The following WEE1 variants were observed in gnomAD, a reference collection of about 807,000 sequenced individuals.
The protein encoded by WEE1 is WEE1 G2 checkpoint kinase.
Under a neutral mutation model 68.8 loss-of-function variants are expected in WEE1, and 16 were observed. The observed-to-expected ratio is 0.23, with a 90% CI of 0.16 to 0.35. WEE1 has a LOEUF of 0.35. Ranked by LOEUF, WEE1 falls within the 10% of genes least tolerant of loss-of-function variation. The probability of loss-of-function intolerance (pLI) is 1.00; values close to 1 mark genes in which losing one functional copy is unlikely to be tolerated. For synonymous variants in WEE1, 349 were observed against 318.7 expected, an observed-to-expected ratio of 1.09 and a Z score of -1.01; for missense variants, 651 against 824.1, an observed-to-expected ratio of 0.79 and a Z score of 2.57.
chr11:9,580,926 C>CT (rs1849620629), intron 5 of WEE1: 1 of 152,278 alleles, frequency 6.6e-6, no homozygotes, highest in Admixed American at 6.6e-5. Flanking sequence ...GTGGCAGTGC[C>CT]TGTAGTCCCA....
chr11:9,579,490 T>G (rs1329950718), intron 5 of WEE1: 1 of 152,214 alleles, frequency 6.6e-6, no homozygotes, highest in Non-Finnish European at 1.5e-5. Context: ...CTTGGTTTGG[T>G]GATAGATTGG....
At chr11:9,581,059 AC>A (rs1432536791) in intron 5 of WEE1, 2 of 154,326 alleles carry the variant, frequency 1.3e-5, no homozygotes, top group African/African-American at 4.8e-5. Context: ...CAGTATGGTG[AC>A]CTCTGTGGAG....
chr11:9,586,321 C>A, intron 8 of WEE1, 128 bp from the exon 9 acceptor site: 1 of 782,394 alleles, frequency 1.3e-6, no homozygotes. Flanking sequence ...TGAATAGGTC[C>A]CAAACTTAAA....
In WEE1 at chr11:9,576,169, C is replaced by A; in HGVS notation, c.783-61C>A. Reference sequence around the variant, plus strand: ...TGGTATACTTATCAAAATTTAGTTCCTATTTAATGGCATGGATGTATCTGT... The same window carrying A: ...TGGTATACTTATCAAAATTTAGTTCATATTTAATGGCATGGATGTATCTGT... On this transcript the variant is annotated intron_variant, in intron 2 of 10. Transcript: ENST00000450114. The surrounding 1 kb of genome is among the most constrained non-coding windows in gnomAD (Gnocchi z 4.3). 1.2e-6 allele frequency: 2 copies of A among 1,600,752 alleles called. No individual in the cohort carries two copies. The highest frequency in any genetic ancestry group is 1.7e-6 in the Non-Finnish European group (2 of 1,171,668).
chr11:9,578,155 C>G, intron 5 of WEE1: 1 of 274,296 alleles, frequency 3.6e-6, no homozygotes, highest in South Asian at 3.5e-5. Context: ...TAGTTTGTTT[C>G]TATTTCTGTA....
At chr11:9,586,944 A>G (rs750158722) in intron 10 of WEE1, 88 bp downstream of exon 10, 72 of 1,414,158 alleles carry the variant, frequency 5.1e-5, no homozygotes, top group Non-Finnish European at 6.2e-5. Flanking sequence ...CTTTCTGTCA[A>G]CAAAGGATGT....
chr11:9,574,497 G>T lies in WEE1; in HGVS notation c.564G>T (p.Pro188=). 1.6e-6 allele frequency: 2 copies of T among 1,245,704 alleles called. No individual in the cohort carries two copies. The highest frequency in any genetic ancestry group is 3.7e-5 in the East Asian group (1 of 27,238). 77.2% of individuals were successfully genotyped at this position (1,245,704 alleles called of 1,614,324 possible). Residue 188 remains proline (P), a synonymous_variant, in exon 1 of 11, where the codon CCG becomes CCT. Transcript: ENST00000450114. This position sits in a 1 kb window ranked among gnomAD's most constrained non-coding sequence, Gnocchi z 4.9. ...TFRKLRLFDT[P]HTPKSLLSKA... ...GCAAGCTGCGACTCTTCGACACCCC[G>T]CACACGCCCAAGGTGAGAGCGGCGG...
rs372628405 is a variant in WEE1 at position 9,585,326 on chromosome 11, G to A, written c.1357G>A (p.Ala453Thr). The change falls in exon 7 of 11, where the codon GCA becomes ACA. Residue 453 changes from alanine (A) to threonine (T), a missense_variant. Ala to Thr is a moderately conservative substitution (Grantham distance 58). Transcript: ENST00000450114. ...TGAAGAAGGAGACGAAGATGATTGG[G>A]CATCCAACAAAGTTATGTTTAAAAT... ...ASEEGDEDDWASNKVMFKIGD... is the reference protein window; with the variant it reads ...ASEEGDEDDWTSNKVMFKIGD... 37 of 1,613,850 alleles carry A rather than the reference G, an allele frequency of 2.3e-5. No homozygotes were observed. The highest frequency in any genetic ancestry group is 3.1e-5 in the Non-Finnish European group (36 of 1,179,954).
chr11:9,574,056 G>A lies in WEE1; in HGVS notation c.123G>A (p.Glu41=). The change falls in exon 1 of 11, where the codon GAG becomes GAA. Residue 41 remains glutamate (E), a synonymous_variant. Coordinates refer to ENST00000450114, the MANE Select transcript of WEE1 (RefSeq NM_003390.4). This position sits in a 1 kb window ranked among gnomAD's most constrained non-coding sequence, Gnocchi z 4.9. ...SDCEEEEEEE[E]EEGSGHSTGE... ...GTGAGGAGGAGGAAGAAGAGGAGGA[G>A]GAGGAGGGCAGCGGCCACAGCACCG... 1 of 1,253,054 alleles carries A rather than the reference G, an allele frequency of 8.0e-7. No homozygotes were observed. The highest frequency in any genetic ancestry group is 1.0e-6 in the Non-Finnish European group (1 of 998,848). 77.6% of individuals were successfully genotyped at this position (1,253,054 alleles called of 1,614,324 possible).
chr11:9,580,338 G>A (rs1849611329), intron 5 of WEE1: 1 of 151,712 alleles, frequency 6.6e-6, no homozygotes, highest in South Asian at 2.1e-4. Flanking sequence ...TATACTAAAT[G>A]TACGTGAAAT....
In WEE1 at chr11:9,581,557, T is replaced by C. The variant is rs1272850660; in HGVS notation, c.1167T>C (p.Ser389=). The C allele has an allele frequency of 1.2e-6, 2 of 1,603,278 alleles. No homozygotes were observed. The highest frequency in any genetic ancestry group is 2.2e-5 in the South Asian group (2 of 89,192). ...CNGGSLADAI[S]ENYRIMSYFK... is the part of the protein sequence containing the mutation. ...GTGGAAGTTTAGCTGATGCTATAAG[T>C]GAAAACTACAGAATCATGAGTTACT... Residue 389 remains serine (S), a synonymous_variant, in exon 6 of 11, where the codon AGT becomes AGC. Transcript: ENST00000450114.
rs1187241891 is a variant in WEE1, at chr11:9,574,546, C to T, written c.576+37C>T. 1 of 1,188,902 alleles carries T rather than the reference C, an allele frequency of 8.4e-7. No individual in the cohort carries two copies. The highest frequency in any genetic ancestry group is 3.8e-5 in the South Asian group (1 of 26,066). The allele number at this position is 1,188,902 out of a possible 1,614,324, so 73.6% of individuals were successfully genotyped here. ...GGGCGCGGGCACCCGGCGGCCGGGG[C>T]CGCGGCGCCGGAGGGGCCAGCGCCG... On this transcript the variant is annotated intron_variant, in intron 1 of 10. Coordinates refer to ENST00000450114, the MANE Select transcript of WEE1 (RefSeq NM_003390.4). This position sits in a 1 kb window ranked among gnomAD's most constrained non-coding sequence, Gnocchi z 4.9.
intron 1 of WEE1, chr11:9,575,492 G>A (rs551327568): frequency 1.2e-6 from 1 of 816,550 alleles, no homozygotes; most frequent in African/African-American, 1.9e-5. Context: ...TGGAAGTGAG[G>A]GGAGGAGTCC....
chr11:9,574,804 C>A lies in WEE1; in HGVS notation c.576+295C>A. On this transcript the variant is annotated intron_variant, in intron 1 of 10. Transcript: ENST00000450114. This position sits in a 1 kb window ranked among gnomAD's most constrained non-coding sequence, Gnocchi z 4.9. Reference sequence around the variant, plus strand: ...TCCGGGCCGCCCCGAGCGTGTCAGCCCCGAGTGCGGCACCGATAACGCGGT... The same window carrying A: ...TCCGGGCCGCCCCGAGCGTGTCAGCACCGAGTGCGGCACCGATAACGCGGT... 2.0e-6 allele frequency: 2 copies of A among 1,002,518 alleles called. No homozygotes were observed. Among genetic ancestry groups the A allele is most frequent in the Non-Finnish European group, 2.4e-6 (2 of 841,234 alleles). 62.1% of individuals were successfully genotyped at this position (1,002,518 alleles called of 1,614,324 possible).
Position 9,574,049 on chromosome 11 carries a change from AGG to A in WEE1, c.117_118del (p.Glu40GlyfsTer96). On this transcript the variant is annotated frameshift_variant, in exon 1 of 11. Transcript: ENST00000450114. LOFTEE classifies it high-confidence loss of function. This position sits in a 1 kb window ranked among gnomAD's most constrained non-coding sequence, Gnocchi z 4.9. ...AGCGACTGTGAGGAGGAGGAAGAAG[AGG>A]AGGAGGAGGAGGGCAGCGGCCACAG... 8.1e-7 allele frequency: 1 copy of A among 1,239,388 alleles called. No individual in the cohort carries two copies. The highest frequency in any genetic ancestry group is 3.0e-5 in the South Asian group (1 of 32,976). The allele number at this position is 1,239,388 out of a possible 1,614,324, so 76.8% of individuals were successfully genotyped here.
In WEE1 at chr11:9,574,554, C is replaced by G. The variant is rs1284700989; in HGVS notation, c.576+45C>G. The stretch of plus-strand genomic sequence containing the variant: ...GCACCCGGCGGCCGGGGCCGCGGCG[C>G]CGGAGGGGCCAGCGCCGCTGCCTGG... On this transcript the variant is annotated intron_variant, in intron 1 of 10. Coordinates refer to ENST00000450114, the MANE Select transcript of WEE1 (RefSeq NM_003390.4). The surrounding 1 kb of genome is among the most constrained non-coding windows in gnomAD (Gnocchi z 4.9). 1 of 1,180,164 alleles carries G rather than the reference C, an allele frequency of 8.5e-7. No individual in the cohort carries two copies. Among genetic ancestry groups the G allele is most frequent in the African/African-American group, 1.6e-5 (1 of 61,130 alleles). The allele number at this position is 1,180,164 out of a possible 1,614,324, so 73.1% of individuals were successfully genotyped here.
chr11:9,585,378 C>T, intron 7 of WEE1, 25 bp downstream of exon 7: 1 of 1,609,736 alleles, frequency 6.2e-7, no homozygotes, highest in Non-Finnish European at 8.5e-7. Context: ...CAGATTATTA[C>T]CTTCAGATAA....
Position 9,574,766 on chromosome 11 carries a change from G to T in WEE1, c.576+257G>T, listed in dbSNP as rs900119442. On this transcript the variant is annotated intron_variant, in intron 1 of 10. Transcript: ENST00000450114. The surrounding 1 kb of genome is among the most constrained non-coding windows in gnomAD (Gnocchi z 4.9). ...GGCCCGTCCGGGTGGCCAAGGATTT[G>T]CCGCCCGTTGAGTCCGGGCCGCCCC... 2.9e-6 allele frequency: 3 copies of T among 1,018,464 alleles called. No homozygotes were observed. Among genetic ancestry groups the T allele is most frequent in the Non-Finnish European group, 3.5e-6 (3 of 851,952 alleles). 63.1% of individuals were successfully genotyped at this position (1,018,464 alleles called of 1,614,324 possible).
At position 9,589,092 on chromosome 11, in the gene WEE1, G is replaced by C; in HGVS notation, c.*490G>C. On this transcript the variant is annotated 3_prime_UTR_variant, in exon 11 of 11. Transcript: ENST00000450114. ...TATATCCCACTGGGAGCACTTTGTA[G>C]GCATTGCATGAACCATGGGATGATG... 1.0e-6 allele frequency: 1 copy of C among 985,644 alleles called. No homozygotes were observed. Among genetic ancestry groups the C allele is most frequent in the Non-Finnish European group, 1.2e-6 (1 of 829,926 alleles). 61.1% of individuals were successfully genotyped at this position (985,644 alleles called of 1,614,324 possible). A position where few individuals can be genotyped will look rare whatever the true frequency, so the allele number is the denominator to read the frequency against.
Sources: gnomAD v4.1 joint callset for allele counts on GRCh38, gnomAD v4.1.1 for gene constraint, Gnocchi (gnomAD v3.1) non-coding constraint, MANE v1.5 for transcripts, NCBI Gene and HGNC (gene_info 2026-07-23, HGNC 2026-07-21) for gene names.